The following PARD3B variants were observed in gnomAD, a reference collection of about 807,000 sequenced individuals.
PARD3B encodes the protein par-3 family cell polarity regulator beta.
A neutral mutation model predicts 130.2 loss-of-function variants in PARD3B; 103 were observed. The observed-to-expected ratio is 0.79, with a 90% CI of 0.67 to 0.93. The LOEUF is 0.93. PARD3B is among the 40% of genes least tolerant of loss of function. PARD3B has a pLI of 0.00. For synonymous variants in PARD3B, 583 were observed against 553.2 expected, an observed-to-expected ratio of 1.05 and a Z score of -0.76; for missense variants, 1,609 against 1,499.2, an observed-to-expected ratio of 1.07 and a Z score of -1.21.
In PARD3B at chr2:205,226,681, T is replaced by G. The variant is rs144350212; in HGVS notation, c.2141-19097T>G. Among the ~76,000 whole-genome samples the G allele has an allele frequency of 4.5e-3, 685 of 152,332 alleles. 4 individuals carry two copies. Among genetic ancestry groups the G allele is most frequent in the African/African-American group, 0.016 (648 of 41,570 alleles). ...ATAAGTTCATTGTGGATATATGGAT[T>G]TCTTTCTAGTTTCTCTGTTCTGTCC... On this transcript the variant is annotated intron_variant, in intron 15 of 22. Coordinates refer to ENST00000406610, the MANE Select transcript of PARD3B (RefSeq NM_001302769.2).
intron 2 of PARD3B, among the ~76,000 whole-genome samples, chr2:204,955,646 T>A (rs1376926819): frequency 6.6e-6 from 1 of 152,230 alleles, no homozygotes; most frequent in South Asian, 2.1e-4. Flanking sequence ...GTTTTTTTCA[T>A]CTGTAAAATG....
At position 205,461,466 on chromosome 2, in the gene PARD3B, G is replaced by A. The variant is rs956362298; in HGVS notation, c.3044+20794G>A. On this transcript the variant is annotated intron_variant, in intron 20 of 22. Transcript: ENST00000406610. This position sits in a 1 kb window ranked among gnomAD's most constrained non-coding sequence, Gnocchi z 4.3. ...CTAGCACGGACTGCCATGTAGAAAA[G>A]GTCCCCTATTATTTCAGCACCACAT... Among the ~76,000 whole-genome samples the A allele has an allele frequency of 6.6e-6, 1 of 152,048 alleles. No homozygotes were observed. The highest frequency in any genetic ancestry group is 1.5e-5 in the Non-Finnish European group (1 of 68,012).
chr2:205,501,483 G>A (rs1482965384), intron 21 of PARD3B, among the ~76,000 whole-genome samples: 2 of 152,144 alleles, frequency 1.3e-5, no homozygotes, highest in South Asian at 2.1e-4. Flanking sequence ...AAACTTGATC[G>A]AGATCGATTT....
At chr2:204,765,639 A>G (rs2041112507) in intron 2 of PARD3B, among the ~76,000 whole-genome samples, 3 of 152,158 alleles carry the variant, frequency 2.0e-5, no homozygotes, top group Admixed American at 6.5e-5. Context: ...TCCTATTGCT[A>G]TGCAATAAAA....
rs530118681 is a variant in PARD3B at position 205,574,116 on chromosome 2, T to C, written c.3260+20713T>C. 5.3e-5 allele frequency among the ~76,000 whole-genome samples: 8 copies of C among 152,354 alleles called. No homozygotes were observed. In the East Asian group the frequency reaches 9.6e-4, roughly 18 times the overall value. On this transcript the variant is annotated intron_variant, in intron 22 of 22. Transcript: ENST00000406610. ...ACCACAATTACAGTTTTATATACTA[T>C]GTGCAGCAAAAGTCATTTTTAGAAA...
intron 18 of PARD3B, among the ~76,000 whole-genome samples, chr2:205,388,577 C>T (rs2045743070): frequency 6.6e-6 from 1 of 152,114 alleles, no homozygotes; most frequent in South Asian, 2.1e-4. Context: ...GATTAGAAAA[C>T]CCTGTTAGAA....
chr2:205,512,770 ATGT>A (rs1312267864), intron 21 of PARD3B, among the ~76,000 whole-genome samples: 2 of 152,094 alleles, frequency 1.3e-5, no homozygotes, highest in South Asian at 2.1e-4. Flanking sequence ...ACAGAAGGAA[ATGT>A]TGTATGAGAA....
chr2:205,324,038 T>G (rs1352598615), intron 18 of PARD3B, among the ~76,000 whole-genome samples: 1 of 152,168 alleles, frequency 6.6e-6, no homozygotes, highest in Non-Finnish European at 1.5e-5. Context: ...AAATTTTAAG[T>G]ATGTTTAGAT....
At chr2:204,793,368 T>C (rs1000772868) in intron 2 of PARD3B, among the ~76,000 whole-genome samples, 5 of 152,150 alleles carry the variant, frequency 3.3e-5, no homozygotes, top group Non-Finnish European at 7.4e-5. Context: ...TATACATGTT[T>C]TGTTTTGTTT....
intron 22 of PARD3B, among the ~76,000 whole-genome samples, chr2:205,597,776 G>T (rs2054623922): frequency 6.6e-6 from 1 of 152,186 alleles, no homozygotes; most frequent in African/African-American, 2.4e-5. Flanking sequence ...AAGGCTAGTA[G>T]CGGACTTTCA....
intron 20 of PARD3B, among the ~76,000 whole-genome samples, chr2:205,444,081 C>T (rs545154273): frequency 6.6e-6 from 1 of 152,332 alleles, no homozygotes; most frequent in South Asian, 2.1e-4. Context: ...CTTCTGGGTT[C>T]AAGTGATTCT....
chr2:205,145,821 G>A (rs1464397757), intron 10 of PARD3B, among the ~76,000 whole-genome samples: 4 of 64,348 alleles, frequency 6.2e-5, no homozygotes, highest in Non-Finnish European at 8.8e-5. Flanking sequence ...CCTCCAAGAA[G>A]TCAAAAAAAA....
chr2:204,612,202 C>A (rs985691), intron 1 of PARD3B, among the ~76,000 whole-genome samples: 6 of 152,220 alleles, frequency 3.9e-5, no homozygotes, highest in Admixed American at 3.9e-4. Context: ...AGCTCAGCAG[C>A]AGCTGGTTGT....
Position 205,229,335 on chromosome 2 carries a change from G to A in PARD3B, c.2141-16443G>A, listed in dbSNP as rs1046652708. ...ATTGAGTGTTGTGACCTTAATCTTCGGCCCCTGCAACCATAACTGCATTAG... is the reference window on the plus strand; with the variant it reads ...ATTGAGTGTTGTGACCTTAATCTTCAGCCCCTGCAACCATAACTGCATTAG... On this transcript the variant is annotated intron_variant, in intron 15 of 22. Transcript: ENST00000406610. This position sits in a 1 kb window ranked among gnomAD's most constrained non-coding sequence, Gnocchi z 5.2. Among the ~76,000 whole-genome samples, 18 of 152,058 alleles carry A rather than the reference G, an allele frequency of 1.2e-4. No individual in the cohort carries two copies. The highest frequency in any genetic ancestry group is 7.9e-4 in the Admixed American group (12 of 15,270).
intron 1 of PARD3B, among the ~76,000 whole-genome samples, chr2:204,616,595 A>T (rs1035353253): frequency 6.6e-6 from 1 of 152,192 alleles, no homozygotes; most frequent in Non-Finnish European, 1.5e-5. Flanking sequence ...TGACTGTATG[A>T]TCCAGCAATT....
rs1329551318 is a variant in PARD3B, at chr2:205,397,227, G to A, written c.2631-3786G>A. Among the ~76,000 whole-genome samples the A allele has an allele frequency of 2.0e-5, 3 of 152,108 alleles. No homozygotes were observed. The highest frequency in any genetic ancestry group is 4.4e-5 in the Non-Finnish European group (3 of 68,018). On this transcript the variant is annotated intron_variant, in intron 18 of 22. Transcript: ENST00000406610. The surrounding 1 kb of genome is among the most constrained non-coding windows in gnomAD (Gnocchi z 4.8). ...GGCCTACCCAAACTTTACAAAATAAGGTAATTTGTAATCATTTTCTCTGGC... is the reference window on the plus strand; with the variant it reads ...GGCCTACCCAAACTTTACAAAATAAAGTAATTTGTAATCATTTTCTCTGGC...
chr2:205,131,901 G>A (rs749633503), intron 10 of PARD3B, among the ~76,000 whole-genome samples: 1 of 152,128 alleles, frequency 6.6e-6, no homozygotes, highest in Non-Finnish European at 1.5e-5. Flanking sequence ...GAGGGTACCA[G>A]TAAGGAGCTT....
intron 3 of PARD3B, among the ~76,000 whole-genome samples, chr2:205,039,925 A>G (rs1202409438): frequency 1.3e-5 from 2 of 152,080 alleles, no homozygotes; most frequent in South Asian, 4.1e-4. Context: ...AAGATTTGGA[A>G]ACTTCATTTT....
chr2:204,725,652 G>T (rs960237570), intron 2 of PARD3B, among the ~76,000 whole-genome samples: 1 of 152,098 alleles, frequency 6.6e-6, no homozygotes, highest in Admixed American at 6.6e-5. Flanking sequence ...AAACAATAAG[G>T]TTTTATGCAT....
Sources: allele counts gnomAD v4.1 joint callset (sites outside exome capture counted in the v4.1 genomes callset), GRCh38; gene constraint gnomAD v4.1.1; non-coding constraint Gnocchi (gnomAD v3.1); transcripts MANE v1.5; gene names NCBI Gene and HGNC (gene_info 2026-07-23, HGNC 2026-07-21).